Variants in MYO9A observed in about 807,000 individuals in gnomAD.
MYO9A encodes myosin IXA, also known as unconventional myosin-IXa.
In MYO9A, 103 loss-of-function variants were observed where a neutral mutation model predicts 293.3. That is an observed-to-expected ratio of 0.35 (90% CI 0.30 to 0.41). MYO9A has a LOEUF of 0.41. MYO9A is among the 10% of genes least tolerant of loss of function. MYO9A has a pLI of 1.00. For missense variants in MYO9A, 2,685 were observed against 3,033.0 expected (o/e 0.89, Z 2.69); for synonymous variants, 1,001 against 1,035.7 (o/e 0.97, Z 0.64).
chr15:71,948,940 A>G lies in MYO9A; in HGVS notation c.2302+2837T>C, dbSNP rs1269581796. 5.5e-5 allele frequency among the ~76,000 whole-genome samples: 4 copies of G among 72,478 alleles called. No individual in the cohort carries two copies. In the East Asian group the frequency reaches 1.2e-3, roughly 21 times the overall value. 47.5% of individuals were successfully genotyped at this position (72,478 alleles called of 152,430 possible). On this transcript the variant is annotated intron_variant, in intron 15 of 41. Coordinates refer to ENST00000356056, the MANE Select transcript of MYO9A (RefSeq NM_006901.4). ...CTGCAAATACAGAAATTCTGGTTCA[A>G]ATTTTTTTTGTGAGGGGGGGGGATG... is the stretch of plus-strand genomic sequence containing the variant.
chr15:72,004,544 C>T lies in MYO9A; in HGVS notation c.1380+3282G>A, dbSNP rs545247714. Among the ~76,000 whole-genome samples the T allele has an allele frequency of 6.6e-5, 10 of 152,002 alleles. No individual in the cohort carries two copies. The East Asian group carries it at 7.7e-4, about 12-fold the overall frequency. On this transcript the variant is annotated intron_variant, in intron 8 of 41. Transcript: ENST00000356056. ...TGCACTCCAGCCTGGGCAACAACAG[C>T]GAAACTCCATCTCAAAAAAACAACA... is the stretch of plus-strand genomic sequence containing the variant.
intron 3 of MYO9A, among the ~76,000 whole-genome samples, 173 bp from the exon 4 acceptor site, chr15:72,027,966 G>C (rs889042190): frequency 6.6e-6 from 1 of 151,918 alleles, no homozygotes; most frequent in Admixed American, 6.6e-5. Context: ...GGGAGGTCGA[G>C]ATGAGAGGAT....
At chr15:71,937,277 C>G (rs1375870204) in intron 16 of MYO9A, among the ~76,000 whole-genome samples, 1 of 152,102 alleles carries the variant, frequency 6.6e-6, no homozygotes, top group Non-Finnish European at 1.5e-5. Flanking sequence ...AAAAGGCTAT[C>G]AAACAGCATT....
intron 18 of MYO9A, among the ~76,000 whole-genome samples, chr15:71,932,361 G>A (rs1223412657): frequency 6.6e-6 from 1 of 152,012 alleles, no homozygotes; most frequent in Non-Finnish European, 1.5e-5. Context: ...AGAACTATAA[G>A]GTTAAGGCGG....
intron 11 of MYO9A, among the ~76,000 whole-genome samples, chr15:71,987,153 T>C (rs143747742): frequency 1.5e-3 from 229 of 152,318 alleles, no homozygotes; most frequent in African/African-American, 4.8e-3. Context: ...CTATATCATA[T>C]AGCCTAGGTG....
At chr15:71,920,803 C>T (rs1280446023) in intron 18 of MYO9A, among the ~76,000 whole-genome samples, 3 of 151,884 alleles carry the variant, frequency 2.0e-5, no homozygotes, top group Non-Finnish European at 4.4e-5. Context: ...AAAAAATAGC[C>T]GGGCATGGTG....
intron 39 of MYO9A, among the ~76,000 whole-genome samples, chr15:71,846,731 A>T (rs2055403806): frequency 7.0e-6 from 1 of 142,018 alleles, no homozygotes; most frequent in Non-Finnish European, 1.5e-5. Flanking sequence ...ACAGTTTTCC[A>T]CAAATATTGG....
Position 71,854,242 on chromosome 15 carries a change from AAC to A in MYO9A, c.6346+133_6346+134del, listed in dbSNP as rs557313234. On this transcript the variant is annotated intron_variant, in intron 35 of 41. Transcript: ENST00000356056. ...ACTCTTTAGAAAGCCAAAAAATGATAACAAAGCATCACAGAAAAGAATGCATT... is the reference window on the plus strand; with the variant it reads ...ACTCTTTAGAAAGCCAAAAAATGATAAAAGCATCACAGAAAAGAATGCATT... 338 of 721,424 alleles carry A rather than the reference AAC, an allele frequency of 4.7e-4. 1 individual carries two copies. In the African/African-American group the frequency reaches 5.7e-3, roughly 12 times the overall value. The allele number at this position is 721,424 out of a possible 1,614,324, so 44.7% of individuals were successfully genotyped here.
Position 72,118,133 on chromosome 15 carries a change from G to A in MYO9A, c.-525C>T. 2.6e-6 allele frequency: 1 copy of A among 379,484 alleles called. No homozygotes were observed. The highest frequency in any genetic ancestry group is 4.7e-6 in the Non-Finnish European group (1 of 214,088). 23.5% of individuals were successfully genotyped at this position (379,484 alleles called of 1,614,324 possible). A position where few individuals can be genotyped will look rare whatever the true frequency, so the allele number is the denominator to read the frequency against. The stretch of plus-strand genomic sequence containing the variant: ...GCCCCGCGCGACTCCCCGGCTGCAG[G>A]CGAGCAGGCGCGCGCGCACTTACCT... On this transcript the variant is annotated 5_prime_UTR_variant, in exon 1 of 42. Coordinates refer to ENST00000356056, the MANE Select transcript of MYO9A (RefSeq NM_006901.4).
rs753742158 is a variant in MYO9A at position 71,994,559 on chromosome 15, A to T, written c.1497T>A (p.Ala499=). ...CAAACAGGGCACTATACAGAGACTTAGCCATGGAGTTCCTCACTGTCACAG... is the reference window on the plus strand; with the variant it reads ...CAAACAGGGCACTATACAGAGACTTTGCCATGGAGTTCCTCACTGTCACAG... ...AEAVTVRNSM[A]KSLYSALFDW... The change falls in exon 10 of 42, where the codon GCT becomes GCA. Residue 499 remains alanine (A), a synonymous_variant. Coordinates refer to ENST00000356056, the MANE Select transcript of MYO9A (RefSeq NM_006901.4). The T allele has an allele frequency of 6.2e-7, 1 of 1,606,214 alleles. No individual in the cohort carries two copies. Among genetic ancestry groups the T allele is most frequent in the South Asian group, 1.1e-5 (1 of 88,942 alleles).
At chr15:72,081,218 G>C (rs548701921) in intron 1 of MYO9A, among the ~76,000 whole-genome samples, 8 of 152,016 alleles carry the variant, frequency 5.3e-5, no homozygotes, top group African/African-American at 1.7e-4. Context: ...CTGCAACCCC[G>C]CTAGCATCTG....
chr15:71,885,695 C>CAGTG (rs2056999106), intron 27 of MYO9A, among the ~76,000 whole-genome samples: 1 of 152,134 alleles, frequency 6.6e-6, no homozygotes, highest in African/African-American at 2.4e-5. Flanking sequence ...GTTGGGCACT[C>CAGTG]AGTGGCGTCT....
chr15:71,856,007 C>T (rs529467269), intron 34 of MYO9A, among the ~76,000 whole-genome samples: 5 of 152,078 alleles, frequency 3.3e-5, no homozygotes, highest in African/African-American at 1.2e-4. Context: ...TCAAGGCCTT[C>T]TGCTTAAGAC....
intron 1 of MYO9A, among the ~76,000 whole-genome samples, chr15:72,108,026 G>T (rs1267002697): frequency 1.3e-5 from 2 of 152,014 alleles, no homozygotes; most frequent in Non-Finnish European, 2.9e-5. Flanking sequence ...AAATGAAAAA[G>T]AATTACAGAA....
chr15:71,982,079 G>A (rs1245359259), intron 11 of MYO9A, among the ~76,000 whole-genome samples: 1 of 121,326 alleles, frequency 8.2e-6, no homozygotes, highest in African/African-American at 3.1e-5. Flanking sequence ...GAGTGCAGTG[G>A]CCCAATCTCA....
intron 4 of MYO9A, among the ~76,000 whole-genome samples, chr15:72,024,266 A>G (rs2077593719): frequency 6.6e-6 from 1 of 152,210 alleles, no homozygotes; most frequent in Non-Finnish European, 1.5e-5. Flanking sequence ...TAAATATAAA[A>G]GATAGTATAA....
chr15:72,075,880 AG>A (rs2079334961), intron 1 of MYO9A, among the ~76,000 whole-genome samples: 2 of 152,246 alleles, frequency 1.3e-5, no homozygotes. Context: ...GAAGAGTACT[AG>A]AAAATATTGT....
chr15:72,051,199 G>A (rs951745728), intron 1 of MYO9A, among the ~76,000 whole-genome samples: 2 of 152,144 alleles, frequency 1.3e-5, no homozygotes, highest in African/African-American at 4.8e-5. Flanking sequence ...CGAGTAGCTG[G>A]GACTGTAAGT....
At chr15:71,901,640 T>G (rs1596146465) in intron 22 of MYO9A, among the ~76,000 whole-genome samples, 1 of 138,996 alleles carries the variant, frequency 7.2e-6, no homozygotes, top group South Asian at 2.3e-4. Flanking sequence ...TACGGCAAAA[T>G]AGAGAGACCT....
Sources: gnomAD v4.1 joint callset for allele counts (sites outside exome capture counted in the v4.1 genomes callset) on GRCh38, gnomAD v4.1.1 for gene constraint, MANE v1.5 for transcripts, NCBI Gene and HGNC (gene_info 2026-07-23, HGNC 2026-07-21) for gene names.